The following KARS1 variants were observed in gnomAD, a reference collection of about 807,000 sequenced individuals.
The protein encoded by KARS1 is lysine--tRNA ligase.
KARS1 carries 50 observed loss-of-function variants against 63.9 expected under a neutral mutation model. That is an observed-to-expected ratio of 0.78 (90% CI 0.62 to 0.99). The LOEUF (loss-of-function observed/expected upper bound fraction) is 0.99. KARS1 is among the 50% of genes least tolerant of loss of function. KARS1 has a pLI of 0.00. For missense variants in KARS1, 816 were observed against 754.5 expected (o/e 1.08, Z -0.95); for synonymous variants, 320 against 264.6 (o/e 1.21, Z -2.03).
chr16:75,643,187 T>G (rs2082243471), intron 1 of KARS1, among the ~76,000 whole-genome samples: 1 of 152,100 alleles, frequency 6.6e-6, no homozygotes, highest in Non-Finnish European at 1.5e-5. Flanking sequence ...GAGGGATATC[T>G]TTACTATTCA....
chr16:75,629,584 C>G, intron 11 of KARS1, 43 bp from the exon 12 acceptor site: 1 of 1,610,044 alleles, frequency 6.2e-7, no homozygotes, highest in Non-Finnish European at 8.5e-7. Flanking sequence ...ATAGAGGCCC[C>G]TAATGAGCTA....
chr16:75,639,121 T>A (rs767816205), intron 3 of KARS1, among the ~76,000 whole-genome samples: 9 of 151,744 alleles, frequency 5.9e-5, no homozygotes, highest in Admixed American at 1.3e-4. Context: ...TGAGCCGAGA[T>A]TGCGCCATTG....
At chr16:75,634,688 G>C (rs538573254) in intron 6 of KARS1, among the ~76,000 whole-genome samples, 2 of 152,138 alleles carry the variant, frequency 1.3e-5, no homozygotes, top group African/African-American at 4.8e-5. Context: ...CCATTCTCCT[G>C]ACTCAGACTC....
At chr16:75,631,370 C>G in intron 9 of KARS1, 46 bp downstream of exon 9, 1 of 1,603,286 alleles carries the variant, frequency 6.2e-7, no homozygotes, top group South Asian at 1.1e-5. Context: ...CAGAGCTGAA[C>G]AGGAAGGAGG....
At chr16:75,633,903 T>C (rs2082135701) in intron 7 of KARS1, 1 of 417,522 alleles carries the variant, frequency 2.4e-6, no homozygotes, top group Admixed American at 3.5e-5. Context: ...CGTAAGACTT[T>C]ATCTTAAAAG....
intron 5 of KARS1, 52 bp from the exon 6 acceptor site, chr16:75,635,857 T>C (rs1461437974): frequency 1.2e-6 from 2 of 1,614,038 alleles, no homozygotes; most frequent in Non-Finnish European, 8.5e-7. Context: ...TCCAAAGGTA[T>C]GATAAAACAA....
chr16:75,641,491 C>T, intron 2 of KARS1, 73 bp downstream of exon 2: 3 of 1,374,658 alleles, frequency 2.2e-6, no homozygotes, highest in Non-Finnish European at 3.1e-6. Flanking sequence ...ACTGTCCAGT[C>T]CCAAAGAATC....
chr16:75,636,576 T>C (rs747061164), intron 3 of KARS1, 29 bp from the exon 4 acceptor site: 6 of 1,350,564 alleles, frequency 4.4e-6, no homozygotes, highest in Non-Finnish European at 6.4e-6. Context: ...AAATACTGAC[T>C]GACAGAACCA....
At chr16:75,636,363 T>C in intron 4 of KARS1, 91 bp downstream of exon 4, 1 of 929,714 alleles carries the variant, frequency 1.1e-6, no homozygotes, top group Non-Finnish European at 1.8e-6. Context: ...CTTCTTACTC[T>C]AACTTCAAAT....
chr16:75,647,350 T>G, intron 1 of KARS1: 2 of 627,852 alleles, frequency 3.2e-6, no homozygotes. Flanking sequence ...ACTCTAGGAG[T>G]ATGATAGGGA....
rs1372105442 is a variant in KARS1, at chr16:75,630,469, T to C, written c.1378A>G (p.Thr460Ala). Reference protein sequence around the residue: ...EFLEVTCINPTFICDHPQIMS... With the variant: ...EFLEVTCINPAFICDHPQIMS... ...ATCTGTGGGTGATCACAGATGAATGTAGGATTGATGCAAGTCACTTCCAGG... is the reference window on the plus strand; with the variant it reads ...ATCTGTGGGTGATCACAGATGAATGCAGGATTGATGCAAGTCACTTCCAGG... The change falls in exon 11 of 14, where the codon ACA becomes GCA. Residue 460 changes from threonine to alanine, a missense_variant. Coordinates refer to ENST00000302445, the MANE Select transcript of KARS1 (RefSeq NM_005548.3). The C allele has an allele frequency of 2.5e-6, 4 of 1,612,260 alleles. No individual in the cohort carries two copies. The highest frequency in any genetic ancestry group is 1.1e-5 in the South Asian group (1 of 91,048).
At chr16:75,647,376 C>T (rs1284755106) in intron 1 of KARS1, 2 of 652,856 alleles carry the variant, frequency 3.1e-6, no homozygotes. Flanking sequence ...CCGCCGGTGC[C>T]AGCTGGGAAC....
intron 7 of KARS1, among the ~76,000 whole-genome samples, chr16:75,633,208 C>T (rs535411463): frequency 1.3e-5 from 2 of 152,238 alleles, no homozygotes; most frequent in East Asian, 1.9e-4. Context: ...CAGGGTCGGC[C>T]GCAATGACAA....
Position 75,635,939 on chromosome 16 carries a change from A to C in KARS1, c.642T>G (p.Pro214=). The change falls in exon 5 of 14, where the codon CCT becomes CCG. Residue 214 remains proline, a synonymous_variant. Transcript: ENST00000302445. ...TGTCTTTGAGGCCAAAGTGAAGATG[A>C]GGTAACATATGCAAACAGGGAGACA... ...TLLSPCLHML[P]HLHFGLKDKE... 1 of 1,614,208 alleles carries C rather than the reference A, an allele frequency of 6.2e-7. No homozygotes were observed.
At chr16:75,642,153 C>T (rs2082231976) in intron 1 of KARS1, among the ~76,000 whole-genome samples, 3 of 149,184 alleles carry the variant, frequency 2.0e-5, no homozygotes, top group African/African-American at 7.4e-5. Flanking sequence ...TTTAGTATCC[C>T]CCTAGAAGGT....
At chr16:75,645,607 G>A (rs1447994617) in intron 1 of KARS1, among the ~76,000 whole-genome samples, 3 of 152,128 alleles carry the variant, frequency 2.0e-5, no homozygotes, top group Admixed American at 2.0e-4. Flanking sequence ...AGCGCTTTGT[G>A]GGGTTGAGGC....
chr16:75,628,663 C>A lies in KARS1; in HGVS notation c.1601G>T (p.Cys534Phe), dbSNP rs1156833108. Residue 534 changes from cysteine (C) to phenylalanine (F), a missense_variant, in exon 13 of 14, where the codon TGT becomes TTT. Coordinates refer to ENST00000302445, the MANE Select transcript of KARS1 (RefSeq NM_005548.3). ...GGGCAGCCCATATTCCAGGGCAGTA[C>A]AGAAGTTTTCATCTATGAACATGGC... ...DEAMFIDENF[C>F]TALEYGLPPT... 1.2e-6 allele frequency: 2 copies of A among 1,614,202 alleles called. No homozygotes were observed. The highest frequency in any genetic ancestry group is 2.2e-5 in the East Asian group (1 of 44,888).
At chr16:75,633,080 C>G (rs547237980) in intron 7 of KARS1, among the ~76,000 whole-genome samples, 1 of 152,184 alleles carries the variant, frequency 6.6e-6, no homozygotes, top group Non-Finnish European at 1.5e-5. Context: ...ACCATGGTAC[C>G]TGGACTTTAA....
chr16:75,635,901 A>G lies in KARS1; in HGVS notation c.669+11T>C. 6.2e-7 allele frequency: 1 copy of G among 1,614,148 alleles called. No individual in the cohort carries two copies. The highest frequency in any genetic ancestry group is 8.5e-7 in the Non-Finnish European group (1 of 1,179,978). On this transcript the variant is annotated intron_variant, in intron 5 of 13. Transcript: ENST00000302445. Reference sequence around the variant, plus strand: ...CTAGGAGGCCACAGCTAGGAGGCCAAGAACGCTTACCTTGTCTTTGAGGCC... The same window carrying G: ...CTAGGAGGCCACAGCTAGGAGGCCAGGAACGCTTACCTTGTCTTTGAGGCC...
Sources: allele counts gnomAD v4.1 joint callset (sites outside exome capture counted in the v4.1 genomes callset), GRCh38; gene constraint gnomAD v4.1.1; transcripts MANE v1.5; gene names NCBI Gene and HGNC (gene_info 2026-07-23, HGNC 2026-07-21).